WDPCP: variants seen among roughly 807,000 people sequenced by gnomAD.
WDPCP encodes the protein WD repeat containing planar cell polarity effector, also known as WD repeat-containing and planar cell polarity effector protein fritz homolog.
WDPCP carries 71 observed loss-of-function variants against 93.1 expected under a neutral mutation model. That is an observed-to-expected ratio of 0.76 (90% CI 0.63 to 0.93). The LOEUF is 0.93. Ranked by LOEUF, WDPCP falls within the 40% of genes least tolerant of loss-of-function variation. The pLI, the probability that WDPCP is intolerant of heterozygous loss-of-function variation, is 0.00. For missense variants in WDPCP, 844 were observed against 887.4 expected, an observed-to-expected ratio of 0.95 and a Z score of 0.62; for synonymous variants, 315 against 315.0, an observed-to-expected ratio of 1.00 and a Z score of 0.00.
intron 13 of WDPCP, among the ~76,000 whole-genome samples, chr2:63,264,613 G>A (rs56006102): frequency 0.013 from 1,996 of 152,218 alleles, 38 homozygotes; most frequent in African/African-American, 0.045. Context: ...AGGGGAGAGA[G>A]ATTGCAATAC....
intron 2 of WDPCP, among the ~76,000 whole-genome samples, chr2:63,707,666 G>T (rs1245016044): frequency 1.3e-5 from 2 of 152,180 alleles, no homozygotes; most frequent in Non-Finnish European, 2.9e-5. Context: ...TCCGTTGCTG[G>T]TGAGGAGCTG....
chr2:63,444,529 G>C (rs186395670), intron 6 of WDPCP, among the ~76,000 whole-genome samples: 46 of 152,262 alleles, frequency 3.0e-4, no homozygotes, highest in African/African-American at 1.1e-3. Context: ...AAAATGGAAA[G>C]GGTCTATGTA....
At chr2:63,375,204 C>G (rs1439313884) in intron 12 of WDPCP, among the ~76,000 whole-genome samples, 1 of 151,960 alleles carries the variant, frequency 6.6e-6, no homozygotes, top group Non-Finnish European at 1.5e-5. Context: ...GGGGTTCCTA[C>G]TATAGTTTCT....
intron 1 of WDPCP, chr2:63,518,292 G>A (rs570970885): frequency 6.6e-6 from 1 of 152,630 alleles, no homozygotes; most frequent in East Asian, 1.9e-4. Flanking sequence ...GGAGTGGACA[G>A]AGGGAAGACA....
At chr2:63,622,782 TG>T (rs149755622) in intron 3 of WDPCP, 66,173 of 1,612,706 alleles carry the variant, frequency 0.041, 1,648 homozygotes, top group Non-Finnish European at 0.047. Flanking sequence ...GGCGAACACT[TG>T]GTCCCAGGAA....
Position 63,120,045 on chromosome 2 carries a change from C to A in WDPCP, c.*1961G>T, listed in dbSNP as rs923195003. 6.6e-6 allele frequency among the ~76,000 whole-genome samples: 1 copy of A among 152,050 alleles called. No homozygotes were observed. The highest frequency in any genetic ancestry group is 1.5e-5 in the Non-Finnish European group (1 of 68,006). ...TGGCAAACATTTTCATTATTATTAT[C>A]ATTATGTAGAAAAACATAGATGTAT... On this transcript the variant is annotated 3_prime_UTR_variant, in exon 18 of 18. Coordinates refer to ENST00000272321, the MANE Select transcript of WDPCP (RefSeq NM_015910.7).
chr2:63,742,239 G>A (rs1372693712), intron 2 of WDPCP, among the ~76,000 whole-genome samples: 1 of 151,892 alleles, frequency 6.6e-6, no homozygotes, highest in African/African-American at 2.4e-5. Flanking sequence ...GAAACAGGAA[G>A]AAGAGAAAAG....
intron 12 of WDPCP, among the ~76,000 whole-genome samples, chr2:63,342,846 G>C (rs1052810248): frequency 3.3e-5 from 5 of 151,940 alleles, no homozygotes; most frequent in African/African-American, 1.2e-4. Flanking sequence ...CTATGGCTTT[G>C]AGTTACTGTC....
chr2:63,717,498 A>C (rs1669356116), intron 2 of WDPCP: 1 of 433,504 alleles, frequency 2.3e-6, no homozygotes, highest in Admixed American at 2.7e-5. Flanking sequence ...ATGAGCATTT[A>C]AGAGAATACA....
chr2:63,736,902 T>G (rs1209007666), intron 2 of WDPCP, among the ~76,000 whole-genome samples: 2 of 152,190 alleles, frequency 1.3e-5, no homozygotes, highest in African/African-American at 4.8e-5. Context: ...GCATATTATG[T>G]CAATCTTATT....
upstream of WDPCP, chr2:63,588,819 C>A: frequency 1.7e-6 from 1 of 584,958 alleles, no homozygotes; most frequent in Non-Finnish European, 3.0e-6. Flanking sequence ...TTGAAAAAAA[C>A]CTCTGGTATC....
chr2:63,365,999 T>C (rs1206401305), intron 12 of WDPCP, among the ~76,000 whole-genome samples: 2 of 152,200 alleles, frequency 1.3e-5, no homozygotes, highest in Admixed American at 6.6e-5. Context: ...CTTAGGGAAC[T>C]GAGACTTGAC....
rs182419124 is a variant in WDPCP at position 63,256,326 on chromosome 2, T to C, written c.1915+2981A>G. Among the ~76,000 whole-genome samples the C allele has an allele frequency of 2.1e-3, 317 of 152,248 alleles. 3 individuals are homozygous for C. In the Middle Eastern group the frequency reaches 0.031, roughly 15 times the overall value. ...AAGCAGTGAGATATTTGTGCAAGTATAGACAAACAGAGTAATAAAATAGAA... is the reference window on the plus strand; with the variant it reads ...AAGCAGTGAGATATTTGTGCAAGTACAGACAAACAGAGTAATAAAATAGAA... On this transcript the variant is annotated intron_variant, in intron 14 of 17. Coordinates refer to ENST00000272321, the MANE Select transcript of WDPCP (RefSeq NM_015910.7).
At chr2:63,548,400 A>G (rs1409333112) in intron 1 of WDPCP, among the ~76,000 whole-genome samples, 2 of 152,254 alleles carry the variant, frequency 1.3e-5, no homozygotes, top group African/African-American at 4.8e-5. Context: ...CATACCTTCA[A>G]AATATATAAA....
intron 12 of WDPCP, among the ~76,000 whole-genome samples, chr2:63,354,807 A>C (rs995812290): frequency 6.6e-5 from 10 of 152,202 alleles, no homozygotes; most frequent in Non-Finnish European, 1.5e-5. Flanking sequence ...CAATGCAATC[A>C]CAAATATTAA....
At chr2:63,184,638 T>G (rs1006478547) in intron 14 of WDPCP, among the ~76,000 whole-genome samples, 1 of 152,180 alleles carries the variant, frequency 6.6e-6, no homozygotes, top group Non-Finnish European at 1.5e-5. Flanking sequence ...CTCTTGCTGA[T>G]TTTAGGATTT....
chr2:63,536,137 G>A lies in WDPCP; in HGVS notation c.76-43197C>T, dbSNP rs1003387395. ...ATGCTTATCATCACTGGCCATCAGA[G>A]AAATGCAAATCAAAACCACAATGAG... On this transcript the variant is annotated intron_variant, in intron 1 of 17. Transcript: ENST00000272321. 2.0e-5 allele frequency among the ~76,000 whole-genome samples: 3 copies of A among 152,168 alleles called. No homozygotes were observed. The East Asian group carries it at 5.8e-4, about 29-fold the overall frequency.
intron 12 of WDPCP, among the ~76,000 whole-genome samples, chr2:63,324,464 A>C (rs186477380): frequency 2.1e-3 from 314 of 152,286 alleles, no homozygotes; most frequent in Middle Eastern, 3.4e-3. Context: ...ACCCAGGTAC[A>C]TGTCCCCTTC....
chr2:63,266,723 T>G (rs1044582001), intron 13 of WDPCP, among the ~76,000 whole-genome samples: 2 of 151,996 alleles, frequency 1.3e-5, no homozygotes, highest in Non-Finnish European at 2.9e-5. Context: ...GGAGAATCAT[T>G]TGAACTCGGG....
Sources: allele counts gnomAD v4.1 joint callset (sites outside exome capture counted in the v4.1 genomes callset), GRCh38; gene constraint gnomAD v4.1.1; transcripts MANE v1.5; gene names NCBI Gene and HGNC (gene_info 2026-07-23, HGNC 2026-07-21).